The following RBPJ variants were observed in gnomAD, a reference collection of about 807,000 sequenced individuals.
RBPJ encodes the protein recombination signal binding protein for immunoglobulin kappa J region, also known as recombining binding protein suppressor of hairless.
RBPJ carries 9 observed loss-of-function variants against 67.8 expected under a neutral mutation model. That is an observed-to-expected ratio of 0.13 (90% CI 0.08 to 0.23). The LOEUF (loss-of-function observed/expected upper bound fraction) is 0.23. RBPJ is among the 10% of genes least tolerant of loss of function. The pLI is 1.00. For missense variants in RBPJ, 305 were observed against 595.6 expected (o/e 0.51, Z 5.08); for synonymous variants, 198 against 203.3 (o/e 0.97, Z 0.22).
chr4:26,113,958 A>T, the RBPJ span: 1 of 153,190 alleles, frequency 6.5e-6, no homozygotes. Flanking sequence ...GAAAGCATTC[A>T]AGAAAAATTA....
At chr4:26,197,438 C>T (rs1463716535) in intron 1 of RBPJ, among the ~76,000 whole-genome samples, 4 of 152,144 alleles carry the variant, frequency 2.6e-5, no homozygotes, top group African/African-American at 7.2e-5. Flanking sequence ...GAGCTGAATG[C>T]AATCAGGAGA....
intron 1 of RBPJ, among the ~76,000 whole-genome samples, chr4:26,248,250 C>A (rs922009618): frequency 2.0e-5 from 3 of 152,152 alleles, no homozygotes; most frequent in Non-Finnish European, 4.4e-5. Context: ...GAGACCATGC[C>A]ATTGCCCTCC....
chr4:26,152,972 G>C, the RBPJ span, among the ~76,000 whole-genome samples: 1 of 152,182 alleles, frequency 6.6e-6, no homozygotes, highest in Non-Finnish European at 1.5e-5. Flanking sequence ...AAAGTGTCTG[G>C]GATTTTGGAA....
intron 3 of RBPJ, chr4:26,410,180 C>G (rs1049536886): frequency 3.0e-6 from 1 of 334,702 alleles, no homozygotes; most frequent in Non-Finnish European, 5.9e-6. Context: ...TCTTTCTTGC[C>G]GATCCTGGTT....
rs560578588 is a variant in RBPJ at position 26,277,958 on chromosome 4, T to C, written c.-166-84488T>C. 5.9e-5 allele frequency among the ~76,000 whole-genome samples: 9 copies of C among 152,336 alleles called. No individual in the cohort carries two copies. In the East Asian group the frequency reaches 1.7e-3, roughly 29 times the overall value. ...GCCTTTTTTCCAAGTTGCTGCTTAT[T>C]CCTCATGTATATGTGTGTGTTTGTG... On this transcript the variant is annotated intron_variant, in intron 1 of 4. Coordinates refer to the RBPJ transcript ENST00000512351.
downstream of RBPJ, chr4:26,435,078 G>A (rs1736546854): frequency 6.6e-6 from 1 of 152,048 alleles, no homozygotes; most frequent in Non-Finnish European, 1.5e-5. Flanking sequence ...TAATTTCCTT[G>A]TCAATGTTTT....
At chr4:26,219,927 C>A (rs1718845875) in intron 1 of RBPJ, among the ~76,000 whole-genome samples, 1 of 145,676 alleles carries the variant, frequency 6.9e-6, no homozygotes, top group African/African-American at 2.6e-5. Flanking sequence ...AGGCACCCAC[C>A]ACCACGCCCA....
At chr4:26,312,053 T>A (rs541557922) in intron 1 of RBPJ, among the ~76,000 whole-genome samples, 2 of 152,198 alleles carry the variant, frequency 1.3e-5, no homozygotes, top group East Asian at 3.9e-4. Flanking sequence ...TCTTAGGGAG[T>A]GGAACTCAGG....
intron 1 of RBPJ, among the ~76,000 whole-genome samples, chr4:26,204,411 T>C (rs1718096898): frequency 6.6e-6 from 1 of 151,876 alleles, no homozygotes; most frequent in Admixed American, 6.6e-5. Context: ...GCTGTCAGAG[T>C]TCAGGAAATG....
upstream of RBPJ, among the ~76,000 whole-genome samples, chr4:26,160,529 C>T (rs988989483): frequency 3.3e-5 from 5 of 152,308 alleles, no homozygotes; most frequent in Admixed American, 2.6e-4. Context: ...CAGGATAAGA[C>T]AGTTAATGAT....
At chr4:26,144,085 T>C in the RBPJ span, among the ~76,000 whole-genome samples, 1 of 152,154 alleles carries the variant, frequency 6.6e-6, no homozygotes, top group African/African-American at 2.4e-5. Flanking sequence ...AATAAAAATA[T>C]TTTTTAGTGT....
intron 1 of RBPJ, among the ~76,000 whole-genome samples, chr4:26,278,591 G>A (rs1203651144): frequency 2.0e-5 from 3 of 152,132 alleles, no homozygotes; most frequent in Non-Finnish European, 4.4e-5. Flanking sequence ...TACACCTATA[G>A]GATTATGAAA....
chr4:26,150,774 G>A, the RBPJ span, among the ~76,000 whole-genome samples: 1 of 152,224 alleles, frequency 6.6e-6, no homozygotes, highest in Admixed American at 6.5e-5. Context: ...GGTCTCATGG[G>A]GTGAGGGAAA....
At chr4:26,221,048 A>G (rs910759597) in intron 1 of RBPJ, among the ~76,000 whole-genome samples, 4 of 152,208 alleles carry the variant, frequency 2.6e-5, no homozygotes, top group Non-Finnish European at 5.9e-5. Context: ...AAATATTATT[A>G]AAATATTAAT....
At chr4:26,373,010 T>C (rs1577549855) in intron 1 of RBPJ, among the ~76,000 whole-genome samples, 1 of 152,346 alleles carries the variant, frequency 6.6e-6, no homozygotes, top group Middle Eastern at 3.4e-3. Flanking sequence ...AAGCTTTGTA[T>C]TGTGGTTAAG....
intron 5 of RBPJ, among the ~76,000 whole-genome samples, chr4:26,422,342 T>C (rs981448931): frequency 1.3e-5 from 2 of 152,218 alleles, no homozygotes; most frequent in African/African-American, 4.8e-5. Flanking sequence ...TAAATCCATT[T>C]CATTAAATGC....
intron 1 of RBPJ, among the ~76,000 whole-genome samples, chr4:26,236,353 T>G (rs969592089): frequency 2.0e-5 from 3 of 152,178 alleles, no homozygotes; most frequent in Non-Finnish European, 4.4e-5. Flanking sequence ...CACAAATTAG[T>G]GGCTTAAAAC....
At chr4:26,106,060 A>C in the RBPJ span, among the ~76,000 whole-genome samples, 1 of 152,222 alleles carries the variant, frequency 6.6e-6, no homozygotes, top group African/African-American at 2.4e-5. Context: ...GCCAAACAGG[A>C]CTATCCTCTG....
At chr4:26,253,444 T>C (rs1349400407) in intron 1 of RBPJ, among the ~76,000 whole-genome samples, 1 of 148,266 alleles carries the variant, frequency 6.7e-6, no homozygotes, top group Non-Finnish European at 1.5e-5. Flanking sequence ...CCCGAGTAGC[T>C]GGGACTACAG....
Sources: gnomAD v4.1 joint callset for allele counts (sites outside exome capture counted in the v4.1 genomes callset) on GRCh38, gnomAD v4.1.1 for gene constraint, MANE v1.5 for transcripts, NCBI Gene and HGNC (gene_info 2026-07-23, HGNC 2026-07-21) for gene names.